DLC1: variants seen among roughly 807,000 people sequenced by gnomAD.
DLC1 encodes DLC1 Rho GTPase activating protein.
DLC1 carries 54 observed loss-of-function variants against 140.3 expected under a neutral mutation model. The ratio of observed to expected loss-of-function variants is 0.38; its 90% CI spans 0.31 to 0.48. The LOEUF (loss-of-function observed/expected upper bound fraction) is 0.48, where lower values mean the gene tolerates loss of function less well. Ranked by LOEUF, DLC1 falls within the 20% of genes least tolerant of loss-of-function variation. The pLI is 0.96. For missense variants in DLC1, 2,536 were observed against 1,907.0 expected, an observed-to-expected ratio of 1.33 and a Z score of -6.14; for synonymous variants, 986 against 728.1, an observed-to-expected ratio of 1.35 and a Z score of -5.70.
chr8:13,537,648 CTTTTTTTTTTTTT>C (rs3066420), intron 1 of DLC1, among the ~76,000 whole-genome samples: 2 of 90,346 alleles, frequency 2.2e-5, no homozygotes, highest in Non-Finnish European at 4.1e-5. Flanking sequence ...ACAGCTAACT[CTTTTTTTTTTTTT>C]TTTTTTTTTT....
chr8:13,162,938 A>G (rs532321816), intron 5 of DLC1, among the ~76,000 whole-genome samples: 12 of 152,302 alleles, frequency 7.9e-5, no homozygotes, highest in Non-Finnish European at 1.0e-4. Flanking sequence ...AAAGTAAACA[A>G]TGGGGCTTGA....
intron 4 of DLC1, among the ~76,000 whole-genome samples, chr8:13,323,745 C>A (rs1369317684): frequency 2.0e-5 from 3 of 152,064 alleles, no homozygotes; most frequent in Non-Finnish European, 2.9e-5. Flanking sequence ...AAAATGAATA[C>A]CTTATTGTTT....
chr8:13,153,670 A>G (rs897436087), intron 5 of DLC1, among the ~76,000 whole-genome samples: 1 of 151,920 alleles, frequency 6.6e-6, no homozygotes, highest in African/African-American at 2.4e-5. Flanking sequence ...TGATTGGTGC[A>G]TTTACCATCC....
At chr8:13,349,196 T>A (rs1241849384) in intron 4 of DLC1, among the ~76,000 whole-genome samples, 1 of 152,096 alleles carries the variant, frequency 6.6e-6, no homozygotes, top group Non-Finnish European at 1.5e-5. Context: ...ATCAGTGCAA[T>A]ACCATTAAGA....
At chr8:13,484,438 C>G (rs1800874649) in intron 2 of DLC1, among the ~76,000 whole-genome samples, 1 of 152,106 alleles carries the variant, frequency 6.6e-6, no homozygotes, top group Non-Finnish European at 1.5e-5. Context: ...TCTCAATAAA[C>G]ATTTTTAATT....
intron 4 of DLC1, among the ~76,000 whole-genome samples, chr8:13,374,946 T>G (rs1210387142): frequency 6.6e-6 from 1 of 152,184 alleles, no homozygotes; most frequent in Non-Finnish European, 1.5e-5. Flanking sequence ...TATTTTATTC[T>G]CTTTGAAGCA....
intron 5 of DLC1, among the ~76,000 whole-genome samples, chr8:13,150,885 T>A (rs1473612771): frequency 6.6e-6 from 1 of 152,252 alleles, no homozygotes; most frequent in East Asian, 1.9e-4. Context: ...TAAAAATGCA[T>A]GAGCCTTCAT....
At chr8:13,435,566 G>A (rs552974137) in intron 2 of DLC1, among the ~76,000 whole-genome samples, 7 of 152,202 alleles carry the variant, frequency 4.6e-5, no homozygotes, top group South Asian at 4.1e-4. Context: ...CGCCCGCCTC[G>A]GCCTCCCAAA....
chr8:13,472,586 C>A (rs1042310413), intron 2 of DLC1, among the ~76,000 whole-genome samples: 1 of 152,228 alleles, frequency 6.6e-6, no homozygotes, highest in East Asian at 1.9e-4. Context: ...TAGTTGAAAC[C>A]CCCTCATGCT....
rs944004738 is a variant in DLC1 at position 13,197,651 on chromosome 8, AT to A, written c.1349-81995del. 5.0e-4 allele frequency among the ~76,000 whole-genome samples: 76 copies of A among 151,398 alleles called. 1 individual carries two copies. Among genetic ancestry groups the A allele is most frequent in the African/African-American group, 1.8e-3 (74 of 41,258 alleles). On this transcript the variant is annotated intron_variant, in intron 5 of 17. Coordinates refer to ENST00000276297, the MANE Select transcript of DLC1 (RefSeq NM_182643.3). ...GTGAGCCAGCGTGCCAGGCCGATTT[AT>A]TTTTTTTTAAAAGAGTAAAAATTAT...
chr8:13,143,844 G>GAGAGAGAGAGAGAC (rs1554584116), intron 5 of DLC1, among the ~76,000 whole-genome samples: 1 of 148,168 alleles, frequency 6.7e-6, no homozygotes, highest in Non-Finnish European at 1.5e-5. Context: ...GAGAGAGAGA[G>GAGAGAGAGAGAGAC]AGAGAGAGAC....
chr8:13,168,606 A>C (rs1490433794), intron 5 of DLC1, among the ~76,000 whole-genome samples: 2 of 152,248 alleles, frequency 1.3e-5, no homozygotes. Context: ...GAAAAGACAC[A>C]GTATCTTTTG....
intron 5 of DLC1, among the ~76,000 whole-genome samples, chr8:13,233,664 A>G (rs1216632686): frequency 6.6e-6 from 1 of 152,222 alleles, no homozygotes; most frequent in Non-Finnish European, 1.5e-5. Context: ...CTTCTATCAC[A>G]TTGCTTCAAT....
chr8:13,297,287 A>AAAAAAAAAAAAAAC lies in DLC1; in HGVS notation c.1348+7981_1348+7982insGTTTTTTTTTTTTT, dbSNP rs1160453360. ...AAGCAGAGGCCTTCATACATTAAAA[A>AAAAAAAAAAAAAAC]AAAAAAAAACTGAAGCAAGTATTTA... On this transcript the variant is annotated intron_variant, in intron 5 of 17. Transcript: ENST00000276297. Among the ~76,000 whole-genome samples, 4 of 139,822 alleles carry AAAAAAAAAAAAAAC rather than the reference A, an allele frequency of 2.9e-5. 1 individual carries two copies. The highest frequency in any genetic ancestry group is 6.1e-5 in the Non-Finnish European group (4 of 65,212). The allele number at this position is 139,822 out of a possible 152,430, so 91.7% of individuals were successfully genotyped here.
In DLC1 at chr8:13,185,427, C is replaced by T. The variant is rs377621654; in HGVS notation, c.1349-69770G>A. 5.3e-5 allele frequency among the ~76,000 whole-genome samples: 8 copies of T among 152,028 alleles called. No homozygotes were observed. The East Asian group carries it at 1.2e-3, about 22-fold the overall frequency. ...GGTTCATGCCATTCTCCTGCCTCAGCCTCCCGACTAGCTGGGACTACAGGC... is the reference window on the plus strand; with the variant it reads ...GGTTCATGCCATTCTCCTGCCTCAGTCTCCCGACTAGCTGGGACTACAGGC... On this transcript the variant is annotated intron_variant, in intron 5 of 17. Transcript: ENST00000276297.
intron 2 of DLC1, among the ~76,000 whole-genome samples, chr8:13,405,966 TTTCTTTC>T (rs1346496100): frequency 7.3e-6 from 1 of 136,232 alleles, no homozygotes; most frequent in Non-Finnish European, 1.6e-5. Context: ...TCTTTCTTTC[TTTCTTTC>T]ATCTCTCTCT....
intron 4 of DLC1, among the ~76,000 whole-genome samples, chr8:13,350,431 C>G (rs994744860): frequency 1.3e-5 from 2 of 152,014 alleles, no homozygotes; most frequent in Non-Finnish European, 1.5e-5. Context: ...AAGAAAAACA[C>G]CAGGCCAGGC....
At chr8:13,106,667 G>A (rs1202234163) in intron 7 of DLC1, among the ~76,000 whole-genome samples, 13 of 152,222 alleles carry the variant, frequency 8.5e-5, no homozygotes. Context: ...ACCAGAAATT[G>A]TGACAAAGTT....
At chr8:13,578,427 A>C (rs1485035656) in intron 1 of DLC1, among the ~76,000 whole-genome samples, 1 of 152,162 alleles carries the variant, frequency 6.6e-6, no homozygotes, top group Non-Finnish European at 1.5e-5. Context: ...TCTGCAGTGG[A>C]TACAAACTGG....
Sources: allele counts gnomAD v4.1 joint callset (sites outside exome capture counted in the v4.1 genomes callset), GRCh38; gene constraint gnomAD v4.1.1; transcripts MANE v1.5; gene names NCBI Gene and HGNC (gene_info 2026-07-23, HGNC 2026-07-21).